Variants in LAMA4 observed in about 807,000 individuals in gnomAD.
The protein encoded by LAMA4 is laminin subunit alpha-4.
LAMA4 carries 127 observed loss-of-function variants against 207.1 expected under a neutral mutation model. That is an observed-to-expected ratio of 0.61 (90% CI 0.53 to 0.71). The LOEUF (loss-of-function observed/expected upper bound fraction) is 0.71. LAMA4 is among the 30% of genes least tolerant of loss of function. The pLI, the probability that LAMA4 is intolerant of heterozygous loss-of-function variation, is 0.00. For missense variants in LAMA4, 2,093 were observed against 2,246.5 expected (o/e 0.93, Z 1.38); for synonymous variants, 761 against 816.0 (o/e 0.93, Z 1.15).
chr6:112,208,028 G>A (rs1228513223), intron 3 of LAMA4, among the ~76,000 whole-genome samples: 1 of 152,146 alleles, frequency 6.6e-6, no homozygotes, highest in Non-Finnish European at 1.5e-5. Flanking sequence ...TTCTATAAGG[G>A]GCAGTGAGCT....
At chr6:112,183,191 T>G (rs1782467693) in intron 9 of LAMA4, among the ~76,000 whole-genome samples, 1 of 152,214 alleles carries the variant, frequency 6.6e-6, no homozygotes, top group Admixed American at 6.5e-5. Flanking sequence ...AGCCAAATAT[T>G]AGTTACTTTC....
At chr6:112,212,971 T>A (rs1554357277) in intron 3 of LAMA4, among the ~76,000 whole-genome samples, 2 of 152,246 alleles carry the variant, frequency 1.3e-5, no homozygotes, top group East Asian at 3.8e-4. Flanking sequence ...ACCTTTGTTT[T>A]CCTGAATAGG....
chr6:112,188,932 A>C, intron 7 of LAMA4, 178 bp downstream of exon 7: 1 of 607,512 alleles, frequency 1.6e-6, no homozygotes, highest in Non-Finnish European at 3.0e-6. Flanking sequence ...GCCCTAGGGA[A>C]TCAAGTGGAC....
At position 112,190,993 on chromosome 6, in the gene LAMA4, T is replaced by TTCC. The variant is rs1554348841; in HGVS notation, c.718+642_718+643insGGA. Among the ~76,000 whole-genome samples the TTCC allele has an allele frequency of 2.6e-4, 39 of 148,378 alleles. 1 individual carries two copies. Among genetic ancestry groups the TTCC allele is most frequent in the South Asian group, 2.2e-4 (1 of 4,650 alleles). ...CTTTCTTTCTTTCTTTCTTTCCTCT[T>TTCC]TCTTTCTTTCTTTCTCTCTTTCAGA... is the stretch of plus-strand genomic sequence containing the variant. On this transcript the variant is annotated intron_variant, in intron 6 of 38. Transcript: ENST00000230538.
Position 112,117,851 on chromosome 6 carries a change from G to A in LAMA4, c.4869C>T (p.Leu1623=), listed in dbSNP as rs1554324509. Residue 1623 remains leucine (L), a synonymous_variant, in exon 35 of 39, where the codon CTC becomes CTT. Coordinates refer to ENST00000230538, the MANE Select transcript of LAMA4 (RefSeq NM_001105206.3). This position sits in a 1 kb window ranked among gnomAD's most constrained non-coding sequence, Gnocchi z 4.5. ...SFSGCLSNLQ[L]NGASITSASQ... ...AAGCAGAGGTGATGGAGGCCCCATT[G>A]AGCTGGAGATTGCTGAGACAGCCAC... 10 of 1,613,700 alleles carry A rather than the reference G, an allele frequency of 6.2e-6. No homozygotes were observed. The highest frequency in any genetic ancestry group is 8.5e-6 in the Non-Finnish European group (10 of 1,179,700).
At chr6:112,174,279 GT>G (rs782505416) in intron 11 of LAMA4, among the ~76,000 whole-genome samples, 1 of 152,200 alleles carries the variant, frequency 6.6e-6, no homozygotes, top group Non-Finnish European at 1.5e-5. Flanking sequence ...CTGCCGTTAT[GT>G]GAACAACCTG....
At chr6:112,134,711 C>T (rs528473238) in intron 25 of LAMA4, 102 bp from the exon 26 acceptor site, 100 of 957,128 alleles carry the variant, frequency 1.0e-4, no homozygotes, top group African/African-American at 3.7e-4. Context: ...AGCTGTTCTT[C>T]CATGCCTTTG....
intron 16 of LAMA4, 195 bp downstream of exon 16, chr6:112,154,656 A>ATTTTT (rs11332305): frequency 5.3e-6 from 3 of 567,996 alleles, no homozygotes; most frequent in South Asian, 2.1e-5. Flanking sequence ...ACTACATAGC[A>ATTTTT]TTTTTTTTTT....
intron 5 of LAMA4, chr6:112,200,290 A>G (rs1554351900): frequency 2.4e-6 from 1 of 408,576 alleles, no homozygotes; most frequent in African/African-American, 2.1e-5. Context: ...AAAGCTCATC[A>G]TCACTGGTCA....
chr6:112,216,557 T>C (rs566025839), intron 2 of LAMA4, 88 bp from the exon 3 acceptor site: 241 of 848,806 alleles, frequency 2.8e-4, no homozygotes, highest in Admixed American at 2.8e-3. Flanking sequence ...AAAGTGATTA[T>C]TAAACAATCT....
chr6:112,170,457 T>G (rs1781648704), intron 12 of LAMA4, among the ~76,000 whole-genome samples: 1 of 152,238 alleles, frequency 6.6e-6, no homozygotes, highest in East Asian at 1.9e-4. Context: ...ATGCTCTTAA[T>G]CTTCTTTGGG....
Position 112,129,049 on chromosome 6 carries a change from T to C in LAMA4, c.4160A>G (p.Asp1387Gly). 1 of 1,612,672 alleles carries C rather than the reference T, an allele frequency of 6.2e-7. No homozygotes were observed. The highest frequency in any genetic ancestry group is 1.3e-5 in the African/African-American group (1 of 74,970). The change falls in exon 31 of 39, where the codon GAT becomes GGT. Residue 1387 changes from aspartate to glycine, a missense_variant. Physicochemically the swap from Asp to Gly is moderately conservative, Grantham distance 94 (BLOSUM62 -1). Transcript: ENST00000230538. Reference protein sequence around the residue: ...TRVDRDVEVEDFQRYTEKVHT... With the variant: ...TRVDRDVEVEGFQRYTEKVHT... ...GACCTTTTCAGTATACCGTTGGAAA[T>C]CTTCAACCTCCACATCTCTATCCAC...
rs374731880 is a variant in LAMA4, at chr6:112,215,242, G to A, written c.297+1126C>T. 7.2e-5 allele frequency among the ~76,000 whole-genome samples: 11 copies of A among 152,252 alleles called. No homozygotes were observed. In the South Asian group the frequency reaches 2.3e-3, roughly 32 times the overall value. On this transcript the variant is annotated intron_variant, in intron 3 of 38. Transcript: ENST00000230538. ...GCTTATTTAAGAAGATGGGGGAAGG[G>A]AAAACAAATATCAGGACTAAATAAA...
At chr6:112,182,005 G>A (rs925282892) in intron 9 of LAMA4, among the ~76,000 whole-genome samples, 3 of 152,156 alleles carry the variant, frequency 2.0e-5, no homozygotes, top group Non-Finnish European at 4.4e-5. Context: ...GCTGAGGCAG[G>A]AGAATTGCTT....
In LAMA4 at chr6:112,150,557, T is replaced by C. The variant is rs1780337921; in HGVS notation, c.2127A>G (p.Lys709=). The C allele has an allele frequency of 6.2e-7, 1 of 1,613,904 alleles. No individual in the cohort carries two copies. The highest frequency in any genetic ancestry group is 1.3e-5 in the African/African-American group (1 of 74,910). The change falls in exon 17 of 39, where the codon AAA becomes AAG. Residue 709 remains lysine (K), a synonymous_variant. Coordinates refer to ENST00000230538, the MANE Select transcript of LAMA4 (RefSeq NM_001105206.3). The part of the protein sequence containing the change: ...GGALARKSAL[K]TRLSDAVKQL... ...GCTTAACGGCATCACTGAGTCTGGT[T>C]TTAAGGGCACTTTTCCTTGCTAGGG...
rs1554330896 is a variant in LAMA4 at position 112,134,556 on chromosome 6, C to A, written c.3468G>T (p.Arg1156Ser). 1.3e-5 allele frequency: 21 copies of A among 1,609,656 alleles called. No individual in the cohort carries two copies. The highest frequency in any genetic ancestry group is 1.8e-5 in the Non-Finnish European group (21 of 1,176,376). Residue 1156 changes from arginine (R) to serine (S), a missense_variant, in exon 26 of 39, where the codon AGG becomes AGT. Physicochemically the swap from Arg to Ser is moderately radical, Grantham distance 110 (BLOSUM62 -1). Transcript: ENST00000230538. ...TTTCATTATCCATGCTCTTGACATG[C>A]CTTCTGTCAACTACCAAGATCATTT... ...DKKMILVVDRRHVKSMDNEKM... is the reference protein window; with the variant it reads ...DKKMILVVDRSHVKSMDNEKM...
chr6:112,200,153 C>T (rs782719224), intron 5 of LAMA4: 1 of 533,178 alleles, frequency 1.9e-6, no homozygotes, highest in Admixed American at 1.9e-5. Flanking sequence ...AGTGGAAAGC[C>T]TCTCGTGCTC....
rs587732401 is a variant in LAMA4, at chr6:112,123,618, G to A, written c.4288-1417C>T. On this transcript the variant is annotated intron_variant, in intron 31 of 38. Transcript: ENST00000230538. ...AGAATTACTTTCAAAATCTAGATCT[G>A]ATTTTGGGCAGAGGGCAGGTTAATT... Among the ~76,000 whole-genome samples the A allele has an allele frequency of 2.6e-5, 4 of 152,308 alleles. No homozygotes were observed. In the South Asian group the frequency reaches 6.2e-4, roughly 24 times the overall value.
chr6:112,145,898 G>A lies in LAMA4; in HGVS notation c.2354-965C>T, dbSNP rs547838811. On this transcript the variant is annotated intron_variant, in intron 18 of 38. Transcript: ENST00000230538. Reference sequence around the variant, plus strand: ...ATTTCTAATATAACTGATATAACAGGTCAAGAGGAATACTGGGAAAAAAGG... The same window carrying A: ...ATTTCTAATATAACTGATATAACAGATCAAGAGGAATACTGGGAAAAAAGG... Among the ~76,000 whole-genome samples the A allele has an allele frequency of 7.4e-4, 112 of 152,188 alleles. 1 individual carries two copies. In the South Asian group the frequency reaches 0.022, roughly 29 times the overall value.
Sources: gnomAD v4.1 joint callset for allele counts (sites outside exome capture counted in the v4.1 genomes callset) on GRCh38, gnomAD v4.1.1 for gene constraint, Gnocchi (gnomAD v3.1) non-coding constraint, MANE v1.5 for transcripts, NCBI Gene and HGNC (gene_info 2026-07-23, HGNC 2026-07-21) for gene names.